The following ZNF385B variants were observed in gnomAD, a reference collection of about 807,000 sequenced individuals.
The protein encoded by ZNF385B is zinc finger protein 533.
Under a neutral mutation model 39.2 loss-of-function variants are expected in ZNF385B, and 23 were observed. That is an observed-to-expected ratio of 0.59 (90% CI 0.42 to 0.83). The LOEUF is 0.83. Among genes scored for constraint, ZNF385B ranks in the 40% least tolerant of loss-of-function variants. The pLI is 0.00. For missense variants in ZNF385B, 552 were observed against 598.9 expected (o/e 0.92, Z 0.82); for synonymous variants, 205 against 222.6 (o/e 0.92, Z 0.70).
chr2:179,650,053 G>A (rs10174391), intron 3 of ZNF385B, among the ~76,000 whole-genome samples: 5,088 of 152,186 alleles, frequency 0.033, 271 homozygotes, highest in African/African-American at 0.12. Context: ...GGCACAAGGC[G>A]GGCAATAATG....
chr2:179,795,325 ACC>A (rs948133994), intron 1 of ZNF385B, among the ~76,000 whole-genome samples: 15 of 152,132 alleles, frequency 9.9e-5, no homozygotes, highest in African/African-American at 3.6e-4. Context: ...AAAGGAACTA[ACC>A]CTAGAAGGTT....
At chr2:179,753,409 T>G (rs1009898212) in intron 3 of ZNF385B, among the ~76,000 whole-genome samples, 2 of 152,224 alleles carry the variant, frequency 1.3e-5, no homozygotes, top group Non-Finnish European at 2.9e-5. Context: ...TAGGATTGTC[T>G]TGGCAATGTG....
At chr2:179,688,893 C>T (rs990512946) in intron 3 of ZNF385B, among the ~76,000 whole-genome samples, 5 of 152,052 alleles carry the variant, frequency 3.3e-5, no homozygotes, top group East Asian at 1.9e-4. Flanking sequence ...TTTAAAAAGA[C>T]TAGGTTTTAA....
intron 6 of ZNF385B, among the ~76,000 whole-genome samples, chr2:179,459,732 T>A (rs1408186972): frequency 6.6e-6 from 1 of 150,994 alleles, no homozygotes; most frequent in Non-Finnish European, 1.5e-5. Context: ...ATGCATAAAC[T>A]TTTATTATAT....
At chr2:179,455,145 A>T (rs1441841748) in intron 6 of ZNF385B, among the ~76,000 whole-genome samples, 1 of 152,088 alleles carries the variant, frequency 6.6e-6, no homozygotes, top group African/African-American at 2.4e-5. Flanking sequence ...TCTTTTATAC[A>T]ATATTTTTAT....
intron 3 of ZNF385B, among the ~76,000 whole-genome samples, chr2:179,640,087 A>G (rs1274620101): frequency 6.6e-6 from 1 of 152,226 alleles, no homozygotes; most frequent in Non-Finnish European, 1.5e-5. Context: ...TGTAAATGTT[A>G]TACAGAACAA....
intron 3 of ZNF385B, among the ~76,000 whole-genome samples, chr2:179,614,830 T>C (rs1193017675): frequency 6.6e-6 from 1 of 152,250 alleles, no homozygotes; most frequent in African/African-American, 2.4e-5. Flanking sequence ...TCATTTTTCA[T>C]ACAATACCTT....
intron 1 of ZNF385B, among the ~76,000 whole-genome samples, chr2:179,860,405 C>G (rs1380173437): frequency 1.3e-5 from 2 of 152,146 alleles, no homozygotes; most frequent in Non-Finnish European, 2.9e-5. Context: ...CTTCTCCCCA[C>G]AGGCCCCCGC....
intron 1 of ZNF385B, among the ~76,000 whole-genome samples, chr2:179,794,410 T>TTAATGAC (rs60873234): frequency 8.2e-3 from 2 of 244 alleles, no homozygotes; most frequent in Non-Finnish European, 0.02. Context: ...ATTCTAAAAC[T>TTAATGAC]AGAAATTCTA....
intron 3 of ZNF385B, among the ~76,000 whole-genome samples, chr2:179,727,086 G>T (rs1169328998): frequency 3.9e-5 from 6 of 151,976 alleles, no homozygotes; most frequent in Admixed American, 2.0e-4. Context: ...TCAGACTATA[G>T]CGATGAGTTC....
At chr2:179,697,959 C>T (rs1431033407) in intron 3 of ZNF385B, among the ~76,000 whole-genome samples, 2 of 152,140 alleles carry the variant, frequency 1.3e-5, no homozygotes, top group African/African-American at 2.4e-5. Flanking sequence ...CCAAACACCG[C>T]ATGTTCTCAC....
chr2:179,850,604 G>A (rs991456870), intron 1 of ZNF385B, among the ~76,000 whole-genome samples: 2 of 152,170 alleles, frequency 1.3e-5, no homozygotes, highest in African/African-American at 4.8e-5. Flanking sequence ...GGATGAGGAG[G>A]CACATGCTTT....
chr2:179,512,686 C>T lies in ZNF385B; in HGVS notation c.552+5842G>A, dbSNP rs184873761. ...ACAGCCCCATTCAGCTTAGATACACCATGTTAGAAAAAAGGTGGTCAAGAA... is the reference window on the plus strand; with the variant it reads ...ACAGCCCCATTCAGCTTAGATACACTATGTTAGAAAAAAGGTGGTCAAGAA... On this transcript the variant is annotated intron_variant, in intron 5 of 9. Transcript: ENST00000410066. 5.9e-4 allele frequency among the ~76,000 whole-genome samples: 90 copies of T among 152,170 alleles called. 1 individual carries two copies. Among genetic ancestry groups the T allele is most frequent in the African/African-American group, 2.0e-3 (83 of 41,530 alleles).
chr2:179,543,499 A>T (rs1437008452), intron 4 of ZNF385B, among the ~76,000 whole-genome samples: 1 of 152,142 alleles, frequency 6.6e-6, no homozygotes, highest in Non-Finnish European at 1.5e-5. Flanking sequence ...AATGTGTCAC[A>T]CATGTTTGAA....
At chr2:179,562,190 T>C (rs1190193863) in intron 3 of ZNF385B, among the ~76,000 whole-genome samples, 1 of 152,150 alleles carries the variant, frequency 6.6e-6, no homozygotes, top group Non-Finnish European at 1.5e-5. Context: ...GTTAGTAAAG[T>C]GGCTCAGTAG....
intron 6 of ZNF385B, among the ~76,000 whole-genome samples, chr2:179,465,380 C>A (rs1247710167): frequency 1.3e-5 from 2 of 152,150 alleles, no homozygotes; most frequent in Non-Finnish European, 2.9e-5. Flanking sequence ...CTCTACTTTT[C>A]TCTCAAGATC....
Position 179,774,177 on chromosome 2 carries a change from T to A in ZNF385B, c.-154-3505A>T, listed in dbSNP as rs1437457266. Reference sequence around the variant, plus strand: ...GTATGAATGTGGTGTGCATGGGGTATGTAGTATATGTAGTGTGTGTGTGGT... The same window carrying A: ...GTATGAATGTGGTGTGCATGGGGTAAGTAGTATATGTAGTGTGTGTGTGGT... On this transcript the variant is annotated intron_variant, in intron 1 of 9. Transcript: ENST00000410066. Among the ~76,000 whole-genome samples the A allele has an allele frequency of 2.0e-5, 3 of 151,598 alleles. No homozygotes were observed. In the East Asian group the frequency reaches 5.8e-4, roughly 30 times the overall value.
At chr2:179,563,192 T>C (rs564071110) in intron 3 of ZNF385B, among the ~76,000 whole-genome samples, 2 of 152,324 alleles carry the variant, frequency 1.3e-5, no homozygotes, top group Admixed American at 1.3e-4. Context: ...GGAACTAAAC[T>C]GATTTATTAT....
intron 3 of ZNF385B, among the ~76,000 whole-genome samples, chr2:179,734,352 T>A (rs2106435702): frequency 6.6e-6 from 1 of 152,340 alleles, no homozygotes; most frequent in African/African-American, 2.4e-5. Flanking sequence ...TAATAGTTAT[T>A]ACCACATTGC....
Sources: allele counts gnomAD v4.1 joint callset (sites outside exome capture counted in the v4.1 genomes callset), GRCh38; gene constraint gnomAD v4.1.1; transcripts MANE v1.5; gene names NCBI Gene and HGNC (gene_info 2026-07-23, HGNC 2026-07-21).